The following BAZ1A variants were observed in gnomAD, a reference collection of about 807,000 sequenced individuals.
BAZ1A encodes the protein bromodomain adjacent to zinc finger domain protein 1A.
BAZ1A carries 50 observed loss-of-function variants against 185.2 expected under a neutral mutation model. The observed-to-expected ratio is 0.27, with a 90% confidence interval of 0.22 to 0.34. The LOEUF is 0.34. Ranked by LOEUF, BAZ1A falls within the 10% of genes least tolerant of loss-of-function variation. The pLI is 1.00. For synonymous variants in BAZ1A, 571 were observed against 615.6 expected (o/e 0.93, Z 1.07); for missense variants, 1,356 against 1,839.9 (o/e 0.74, Z 4.81).
intron 25 of BAZ1A, among the ~76,000 whole-genome samples, chr14:34,756,317 G>A (rs1386211176): frequency 6.6e-6 from 1 of 151,176 alleles, no homozygotes; most frequent in Non-Finnish European, 1.5e-5. Context: ...GGGTTTCACC[G>A]TGTTAGCCAG....
chr14:34,774,483 A>G lies in BAZ1A; in HGVS notation c.2841T>C (p.Pro947=). ...TATATGTTGGTTTGCTATCAGGCTG[A>G]GGTTTGTCTGAAATAGTAATCAAAT... ...SEEKFHFSDK[P]QPDSKPTYSR... Residue 947 remains proline (P), a synonymous_variant, in exon 19 of 27, where the codon CCT becomes CCC. Transcript: ENST00000360310. 6.3e-7 allele frequency: 1 copy of G among 1,576,806 alleles called. No homozygotes were observed. Among genetic ancestry groups the G allele is most frequent in the Non-Finnish European group, 8.6e-7 (1 of 1,164,696 alleles).
In BAZ1A at chr14:34,773,558, A is replaced by G. The variant is rs1879377644; in HGVS notation, c.3152+14T>C. ...AGGAAAAGTAATGGTTACTTTAGAA[A>G]AATCTTTTTGTACCTGTCTTTTACT... On this transcript the variant is annotated intron_variant, in intron 20 of 26. Transcript: ENST00000360310. 1.3e-6 allele frequency: 2 copies of G among 1,563,646 alleles called. No homozygotes were observed. Among genetic ancestry groups the G allele is most frequent in the Non-Finnish European group, 8.6e-7 (1 of 1,160,806 alleles).
chr14:34,780,261 C>T lies in BAZ1A; in HGVS notation c.2161G>A (p.Glu721Lys), dbSNP rs200120822. The part of the protein sequence containing the change: ...FDTSIESKDT[E>K]QKELDQDMVT... ...ATATCTTGATCTAATTCCTTTTGCT[C>T]TGTGTCTTTGCTCTCAATGCTAGTA... The change falls in exon 17 of 27, where the codon GAG becomes AAG. Residue 721 changes from glutamate (E) to lysine (K), a missense_variant. By Grantham distance (56) the Glu-to-Lys change is moderately conservative. Transcript: ENST00000360310. 3 of 1,613,616 alleles carry T rather than the reference C, an allele frequency of 1.9e-6. No homozygotes were observed. Among genetic ancestry groups the T allele is most frequent in the Non-Finnish European group, 2.5e-6 (3 of 1,179,776 alleles).
At chr14:34,801,314 C>T in intron 7 of BAZ1A, 121 bp from the exon 8 acceptor site, 1 of 712,730 alleles carries the variant, frequency 1.4e-6, no homozygotes, top group Non-Finnish European at 2.3e-6. Flanking sequence ...TTTTTTGAGA[C>T]AAAGTCTCGC....
intron 3 of BAZ1A, among the ~76,000 whole-genome samples, chr14:34,840,658 C>T (rs933583148): frequency 3.9e-5 from 6 of 151,980 alleles, no homozygotes; most frequent in African/African-American, 1.5e-4. Flanking sequence ...ACTCGGGATG[C>T]TGAGGTGGAG....
At chr14:34,784,740 G>A (rs959391890) in intron 14 of BAZ1A, among the ~76,000 whole-genome samples, 3 of 151,804 alleles carry the variant, frequency 2.0e-5, no homozygotes, top group Admixed American at 6.6e-5. Context: ...GGGTGGTCTC[G>A]ATCTCCTGAC....
At chr14:34,852,069 G>C (rs2042606093) in intron 3 of BAZ1A, among the ~76,000 whole-genome samples, 2 of 152,084 alleles carry the variant, frequency 1.3e-5, no homozygotes, top group Admixed American at 1.3e-4. Context: ...GGAGCTTGCA[G>C]TGAGCTGAGA....
chr14:34,762,858 A>G (rs1886581845), intron 23 of BAZ1A, among the ~76,000 whole-genome samples: 1 of 152,238 alleles, frequency 6.6e-6, no homozygotes, highest in African/African-American at 2.4e-5. Flanking sequence ...GAGAACCAAC[A>G]AATAGACTTA....
chr14:34,771,490 G>A, intron 21 of BAZ1A, 21 bp downstream of exon 21: 1 of 1,590,106 alleles, frequency 6.3e-7, no homozygotes, highest in Non-Finnish European at 8.5e-7. Flanking sequence ...CTAATATTTT[G>A]AAATAAAAAC....
chr14:34,773,923 T>C (rs1412730834), intron 19 of BAZ1A, among the ~76,000 whole-genome samples, 197 bp from the exon 20 acceptor site: 1 of 152,242 alleles, frequency 6.6e-6, no homozygotes, highest in African/African-American at 2.4e-5. Flanking sequence ...CATAATGCCT[T>C]ACTTTCTGTA....
chr14:34,813,998 G>T (rs531180066), intron 4 of BAZ1A, among the ~76,000 whole-genome samples: 1 of 149,604 alleles, frequency 6.7e-6, no homozygotes, highest in East Asian at 2.0e-4. Flanking sequence ...AGCCGAGGTC[G>T]CACCACTGTA....
At chr14:34,801,049 CTT>C (rs745372748) in intron 8 of BAZ1A, 43 bp downstream of exon 8, 2 of 1,389,564 alleles carry the variant, frequency 1.4e-6, no homozygotes, top group East Asian at 2.5e-5. Context: ...GAGAAATATT[CTT>C]TCTTATTCCT....
At chr14:34,847,667 T>C (rs1566594883) in intron 3 of BAZ1A, among the ~76,000 whole-genome samples, 1 of 152,216 alleles carries the variant, frequency 6.6e-6, no homozygotes, top group African/African-American at 2.4e-5. Context: ...GAATCTTTTA[T>C]GTTCATCTTA....
rs138803703 is a variant in BAZ1A, at chr14:34,792,032, G to A, written c.1510+743C>T. ...TTTATTTAACTCTGATGTAAAAACT[G>A]TCAGATCTAAAATGAAATCAGCAGT... On this transcript the variant is annotated intron_variant, in intron 12 of 26. Transcript: ENST00000360310. 2.5e-3 allele frequency among the ~76,000 whole-genome samples: 379 copies of A among 152,294 alleles called. 1 individual carries two copies. Among genetic ancestry groups the A allele is most frequent in the African/African-American group, 8.4e-3 (349 of 41,576 alleles).
intron 6 of BAZ1A, 137 bp downstream of exon 6, chr14:34,807,314 G>A (rs1338004058): frequency 7.8e-6 from 4 of 516,080 alleles, no homozygotes; most frequent in South Asian, 5.4e-5. Flanking sequence ...TTTTTCAGAA[G>A]TACTAAAAAT....
intron 12 of BAZ1A, among the ~76,000 whole-genome samples, chr14:34,787,361 A>AAAAAAAAAG (rs1880538283): frequency 7.0e-6 from 1 of 142,934 alleles, no homozygotes; most frequent in Non-Finnish European, 1.5e-5. Context: ...CAAAAAAAAA[A>AAAAAAAAAG]AAAAAAAGAA....
intron 4 of BAZ1A, among the ~76,000 whole-genome samples, chr14:34,820,915 T>G (rs890034849): frequency 2.6e-5 from 4 of 152,200 alleles, no homozygotes; most frequent in African/African-American, 9.7e-5. Context: ...GATTCATTGA[T>G]CGATCTGTCT....
chr14:34,845,975 C>CT (rs1409467781), intron 3 of BAZ1A, among the ~76,000 whole-genome samples: 1 of 152,058 alleles, frequency 6.6e-6, no homozygotes, highest in East Asian at 1.9e-4. Flanking sequence ...AGAAGAGCCT[C>CT]TAATTCCTCA....
intron 12 of BAZ1A, among the ~76,000 whole-genome samples, chr14:34,792,350 A>T (rs1229000355): frequency 1.3e-5 from 2 of 151,764 alleles, no homozygotes; most frequent in Non-Finnish European, 2.9e-5. Flanking sequence ...ACGCCAACGC[A>T]CTCCAGCCTG....
Sources: gnomAD v4.1 joint callset for allele counts (sites outside exome capture counted in the v4.1 genomes callset) on GRCh38, gnomAD v4.1.1 for gene constraint, MANE v1.5 for transcripts, NCBI Gene and HGNC (gene_info 2026-07-23, HGNC 2026-07-21) for gene names.